Variants in GIGYF2 observed in about 807,000 individuals in gnomAD.
GIGYF2 encodes the protein GRB10 interacting GYF protein 2, also known as GRB10-interacting GYF protein 2.
Under a neutral mutation model 208.1 loss-of-function variants are expected in GIGYF2, and 25 were observed. The observed-to-expected ratio is 0.12, with a 90% CI of 0.09 to 0.17. The LOEUF (loss-of-function observed/expected upper bound fraction) is 0.17, where lower values mean the gene tolerates loss of function less well. Ranked by LOEUF, GIGYF2 falls within the 10% of genes least tolerant of loss-of-function variation. The pLI is 1.00. For synonymous variants in GIGYF2, 534 were observed against 543.8 expected, an observed-to-expected ratio of 0.98 and a Z score of 0.25; for missense variants, 1,302 against 1,579.4, an observed-to-expected ratio of 0.82 and a Z score of 2.98.
intron 3 of GIGYF2, among the ~76,000 whole-genome samples, chr2:232,741,302 C>G (rs1367035838): frequency 6.6e-6 from 1 of 152,146 alleles, no homozygotes; most frequent in East Asian, 1.9e-4. Flanking sequence ...CACAACATGT[C>G]AATTTTATCT....
In GIGYF2 at chr2:232,812,499, CT is replaced by C; in HGVS notation, c.2107+10del. On this transcript the variant is annotated intron_variant, in intron 18 of 28. Transcript: ENST00000373563. ...CAGCTTCACAGCCTACAGGTAAAAA[CT>C]TAGATTAACCTTTAGTACCACTCTG... The C allele has an allele frequency of 9.1e-7, 1 of 1,099,454 alleles. No homozygotes were observed. Among genetic ancestry groups the C allele is most frequent in the Non-Finnish European group, 1.4e-6 (1 of 710,954 alleles). 68.1% of individuals were successfully genotyped at this position (1,099,454 alleles called of 1,614,324 possible).
intron 18 of GIGYF2, among the ~76,000 whole-genome samples, chr2:232,814,045 G>T (rs550391128): frequency 6.6e-6 from 1 of 151,150 alleles, no homozygotes; most frequent in South Asian, 2.1e-4. Flanking sequence ...CCACCACCAC[G>T]CTTGGCTAAT....
chr2:232,856,958 C>G lies in GIGYF2; in HGVS notation c.*98C>G. The G allele has an allele frequency of 1.2e-6, 1 of 852,256 alleles. No individual in the cohort carries two copies. The highest frequency in any genetic ancestry group is 2.1e-6 in the Non-Finnish European group (1 of 485,718). 52.8% of individuals were successfully genotyped at this position (852,256 alleles called of 1,614,324 possible). Reference sequence around the variant, plus strand: ...TACTCACCATTTACTCTTTATCACTCTGCAACAAATCACAGAACCGATCAT... The same window carrying G: ...TACTCACCATTTACTCTTTATCACTGTGCAACAAATCACAGAACCGATCAT... On this transcript the variant is annotated 3_prime_UTR_variant, in exon 29 of 29. Coordinates refer to ENST00000373563, the MANE Select transcript of GIGYF2 (RefSeq NM_001103146.3).
In GIGYF2 at chr2:232,857,113, C is replaced by T. The variant is rs1266657997; in HGVS notation, c.*253C>T. The T allele has an allele frequency of 1.8e-6, 1 of 559,630 alleles. No homozygotes were observed. The highest frequency in any genetic ancestry group is 3.2e-6 in the Non-Finnish European group (1 of 311,496). 34.7% of individuals were successfully genotyped at this position (559,630 alleles called of 1,614,324 possible). On this transcript the variant is annotated 3_prime_UTR_variant, in exon 29 of 29. Coordinates refer to ENST00000373563, the MANE Select transcript of GIGYF2 (RefSeq NM_001103146.3). ...GGTGGCAGTTGGGATTACTCCCCAA[C>T]AAGGCTGATTTTAGGCAGCATGTGT...
At chr2:232,836,302 A>C (rs1450835078) in intron 22 of GIGYF2, among the ~76,000 whole-genome samples, 586 of 21,624 alleles carry the variant, frequency 0.027, 165 homozygotes, top group African/African-American at 0.077. Context: ...ATATATATAT[A>C]TATATATATA....
intron 2 of GIGYF2, among the ~76,000 whole-genome samples, chr2:232,727,799 T>C (rs1409707007): frequency 6.6e-6 from 1 of 152,232 alleles, no homozygotes; most frequent in Non-Finnish European, 1.5e-5. Context: ...CCGTTAAATC[T>C]GTCTTTCTAT....
intron 27 of GIGYF2, 44 bp from the exon 28 acceptor site, chr2:232,850,218 T>C (rs1225027808): frequency 6.3e-7 from 1 of 1,577,100 alleles, no homozygotes; most frequent in Admixed American, 1.7e-5. Flanking sequence ...GTGAGCCAAG[T>C]CTGAATCTGC....
At chr2:232,719,993 C>G (rs889875761) in intron 2 of GIGYF2, among the ~76,000 whole-genome samples, 2 of 152,088 alleles carry the variant, frequency 1.3e-5, no homozygotes, top group Non-Finnish European at 2.9e-5. Flanking sequence ...TGTGCACAAC[C>G]TGCAGTTTTG....
intron 22 of GIGYF2, among the ~76,000 whole-genome samples, chr2:232,835,545 T>C (rs115371998): frequency 0.014 from 2,136 of 152,332 alleles, 25 homozygotes; most frequent in Middle Eastern, 0.024. Context: ...TAATTTTTTA[T>C]TGGCAGCTGG....
At chr2:232,834,094 G>A (rs115617814) in intron 22 of GIGYF2, among the ~76,000 whole-genome samples, 1 of 152,220 alleles carries the variant, frequency 6.6e-6, no homozygotes, top group African/African-American at 2.4e-5. Context: ...TAGTGGAACT[G>A]TTGATGGAAT....
At chr2:232,770,872 T>C (rs1699216667) in intron 8 of GIGYF2, 4 of 1,533,240 alleles carry the variant, frequency 2.6e-6, no homozygotes, top group South Asian at 1.1e-5. Context: ...GTTTTTGTTT[T>C]TGTTTTTTTT....
In GIGYF2 at chr2:232,720,805, G is replaced by A. The variant is rs543047020; in HGVS notation, c.-43-14350G>A. 3.3e-5 allele frequency among the ~76,000 whole-genome samples: 5 copies of A among 152,126 alleles called. No homozygotes were observed. The East Asian group carries it at 9.7e-4, about 29-fold the overall frequency. ...AGACGGGGTTTTGCCATGTTGGCCA[G>A]GCTGGTTTCGAACTCCTGGCCTCAA... On this transcript the variant is annotated intron_variant, in intron 2 of 28. Transcript: ENST00000373563.
rs183766886 is a variant in GIGYF2 at position 232,771,094 on chromosome 2, T to C, written c.532+9658T>C. 8.1e-6 allele frequency: 13 copies of C among 1,614,098 alleles called. No individual in the cohort carries two copies. Among genetic ancestry groups the C allele is most frequent in the Middle Eastern group, 1.6e-4 (1 of 6,062 alleles). ...GATAGTGTGGTTTTCAGGTGGGGCA[T>C]CATGATCTAGTTCCAGATCACCATT... On this transcript the variant is annotated intron_variant, in intron 8 of 28. Transcript: ENST00000373563.
At chr2:232,788,421 T>C (rs1699980037) in intron 9 of GIGYF2, 1 of 299,772 alleles carries the variant, frequency 3.3e-6, no homozygotes, top group Non-Finnish European at 7.2e-6. Flanking sequence ...CATTAGTCTG[T>C]GACCTGGGCC....
intron 3 of GIGYF2, among the ~76,000 whole-genome samples, chr2:232,747,274 G>A (rs530890528): frequency 3.3e-5 from 5 of 152,216 alleles, no homozygotes; most frequent in South Asian, 2.1e-4. Context: ...TATGAATCTA[G>A]TGAGTGTAAG....
intron 16 of GIGYF2, 99 bp from the exon 17 acceptor site, chr2:232,811,145 C>G (rs1700721937): frequency 1.4e-6 from 1 of 718,548 alleles, no homozygotes; most frequent in East Asian, 2.6e-5. Context: ...CTAATAATGT[C>G]TCCTGGGGGG....
chr2:232,734,109 C>T (rs1284792972), intron 2 of GIGYF2, among the ~76,000 whole-genome samples: 21 of 122,454 alleles, frequency 1.7e-4, no homozygotes, highest in South Asian at 1.1e-3. Context: ...TATTTTAAAA[C>T]TTTTTTTTTT....
chr2:232,764,978 A>G (rs1431993719), intron 8 of GIGYF2, among the ~76,000 whole-genome samples: 2 of 152,244 alleles, frequency 1.3e-5, no homozygotes, highest in East Asian at 1.9e-4. Flanking sequence ...CCATAAAACT[A>G]AACTAACATG....
At chr2:232,849,183 G>T (rs1270672941) in intron 27 of GIGYF2, among the ~76,000 whole-genome samples, 1 of 150,802 alleles carries the variant, frequency 6.6e-6, no homozygotes, top group Non-Finnish European at 1.5e-5. Flanking sequence ...TTTTTTTTTT[G>T]GGAGGAAGTG....
Sources: allele counts gnomAD v4.1 joint callset (sites outside exome capture counted in the v4.1 genomes callset), GRCh38; gene constraint gnomAD v4.1.1; transcripts MANE v1.5; gene names NCBI Gene and HGNC (gene_info 2026-07-23, HGNC 2026-07-21).